CAST: variants seen among roughly 807,000 people sequenced by gnomAD.
The protein encoded by CAST is MIR583 host.
A neutral mutation model predicts 119.6 loss-of-function variants in CAST; 76 were observed. The observed-to-expected ratio is 0.64, with a 90% CI of 0.53 to 0.77. The LOEUF (loss-of-function observed/expected upper bound fraction) is 0.77. Ranked by LOEUF, CAST falls within the 30% of genes least tolerant of loss-of-function variation. The pLI is 0.00. For missense variants in CAST, 953 were observed against 946.5 expected, an observed-to-expected ratio of 1.01 and a Z score of -0.09; for synonymous variants, 319 against 331.6, an observed-to-expected ratio of 0.96 and a Z score of 0.41.
At chr5:96,691,417 A>G (rs1202901257) in intron 2 of CAST, among the ~76,000 whole-genome samples, 10 of 152,264 alleles carry the variant, frequency 6.6e-5, no homozygotes, top group Admixed American at 5.2e-4. Flanking sequence ...GGAAAAAATT[A>G]CATTTTTCTA....
At chr5:96,034,338 C>T in the CAST span, among the ~76,000 whole-genome samples, 11 of 151,832 alleles carry the variant, frequency 7.2e-5, no homozygotes, top group African/African-American at 2.4e-4. Context: ...GAAAAAGGAA[C>T]TCTCACACAC....
At chr5:96,761,589 G>C (rs1255488180) in intron 24 of CAST, 1 of 152,006 alleles carries the variant, frequency 6.6e-6, no homozygotes, top group Non-Finnish European at 1.5e-5. Flanking sequence ...AAGAGTTCTG[G>C]ACTTTTTTCT....
At position 96,762,339 on chromosome 5, in the gene CAST, G is replaced by A. The variant is rs749204791; in HGVS notation, c.1899G>A (p.Thr633=). Residue 633 remains threonine, a synonymous_variant, in exon 25 of 32, where the codon ACG becomes ACA. Transcript: ENST00000675179. ...SEVVSQTPAS[T]TQAGAPPRDT... The stretch of plus-strand genomic sequence containing the variant: ...TGGTTTCCCAAACCCCAGCTTCAAC[G>A]ACCCAAGCTGGAGCCCCACCCCGTG... 2.3e-5 allele frequency: 37 copies of A among 1,604,940 alleles called. No individual in the cohort carries two copies. The highest frequency in any genetic ancestry group is 7.8e-5 in the South Asian group (7 of 89,572).
chr5:96,013,606 T>G, the CAST span, among the ~76,000 whole-genome samples: 1 of 152,100 alleles, frequency 6.6e-6, no homozygotes, highest in Admixed American at 6.6e-5. Context: ...ATTTTATCAT[T>G]GTACAAACAT....
intron 1 of CAST, among the ~76,000 whole-genome samples, chr5:96,649,945 T>G (rs1748071425): frequency 6.6e-6 from 1 of 152,240 alleles, no homozygotes; most frequent in African/African-American, 2.4e-5. Flanking sequence ...GACACTATTC[T>G]AAAAGTTTTA....
chr5:96,335,613 G>C, the CAST span, among the ~76,000 whole-genome samples: 1 of 152,114 alleles, frequency 6.6e-6, no homozygotes. Flanking sequence ...CATCTGTATA[G>C]TAATGACTGT....
At chr5:96,040,782 T>C in the CAST span, among the ~76,000 whole-genome samples, 1 of 152,210 alleles carries the variant, frequency 6.6e-6, no homozygotes, top group Non-Finnish European at 1.5e-5. Flanking sequence ...GCCAGTATTT[T>C]ATTGAGATTT....
the CAST span, among the ~76,000 whole-genome samples, chr5:96,400,814 G>A: frequency 2.0e-5 from 3 of 151,826 alleles, no homozygotes; most frequent in Non-Finnish European, 2.9e-5. Context: ...CAGGCTGGGC[G>A]CGGTGGCTCA....
the CAST span, among the ~76,000 whole-genome samples, chr5:96,077,788 C>A: frequency 3.9e-5 from 6 of 152,174 alleles, no homozygotes; most frequent in Non-Finnish European, 1.5e-5. Context: ...ATGCTGGTGC[C>A]ATGCTTCCTG....
chr5:96,339,875 C>G, the CAST span, among the ~76,000 whole-genome samples: 1 of 152,114 alleles, frequency 6.6e-6, no homozygotes, highest in Non-Finnish European at 1.5e-5. Flanking sequence ...CAGGGTGGCC[C>G]TCTGAGAATC....
At chr5:96,010,802 G>A in the CAST span, among the ~76,000 whole-genome samples, 1 of 152,074 alleles carries the variant, frequency 6.6e-6, no homozygotes, top group African/African-American at 2.4e-5. Context: ...AATTTTCCTT[G>A]TAGAGATCTT....
chr5:96,625,153 AT>A (rs1747695879), intron 1 of CAST, among the ~76,000 whole-genome samples: 1 of 152,132 alleles, frequency 6.6e-6, no homozygotes, highest in Non-Finnish European at 1.5e-5. Flanking sequence ...TGCAAAGATC[AT>A]TTTTTTCATG....
the CAST span, among the ~76,000 whole-genome samples, chr5:96,396,285 G>C: frequency 2.0e-5 from 3 of 152,178 alleles, no homozygotes; most frequent in Non-Finnish European, 4.4e-5. Context: ...TCTAGGCCGG[G>C]TGTGGTGGCT....
the CAST span, among the ~76,000 whole-genome samples, chr5:96,276,166 G>A: frequency 1.3e-5 from 2 of 152,126 alleles, no homozygotes; most frequent in African/African-American, 2.4e-5. Flanking sequence ...AGATTTGGGA[G>A]GAATGATAGG....
chr5:96,739,455 A>G (rs948025884), intron 11 of CAST, among the ~76,000 whole-genome samples: 1 of 152,266 alleles, frequency 6.6e-6, no homozygotes, highest in East Asian at 1.9e-4. Flanking sequence ...ATGCAGAATG[A>G]TATGTAGAAT....
chr5:95,962,584 T>G, the CAST span, among the ~76,000 whole-genome samples: 2 of 152,142 alleles, frequency 1.3e-5, no homozygotes, highest in African/African-American at 4.8e-5. Context: ...TTGTGGAGCA[T>G]CTTAAGGACA....
intron 3 of CAST, among the ~76,000 whole-genome samples, chr5:96,713,848 A>G (rs1242481260): frequency 6.6e-6 from 1 of 151,976 alleles, no homozygotes; most frequent in Non-Finnish European, 1.5e-5. Context: ...GGTGGTGCAC[A>G]CCTGTAGTCC....
chr5:96,283,268 G>T, the CAST span, among the ~76,000 whole-genome samples: 2 of 152,064 alleles, frequency 1.3e-5, no homozygotes, highest in African/African-American at 4.8e-5. Flanking sequence ...ACAAGCAACT[G>T]AAATTAACAT....
intron 1 of CAST, among the ~76,000 whole-genome samples, chr5:96,666,135 G>C (rs1186698780): frequency 2.0e-5 from 3 of 152,258 alleles, no homozygotes; most frequent in South Asian, 2.1e-4. Flanking sequence ...ACATGTCTCA[G>C]ATGTGTTCGT....
Sources: allele counts gnomAD v4.1 joint callset (sites outside exome capture counted in the v4.1 genomes callset), GRCh38; gene constraint gnomAD v4.1.1; transcripts MANE v1.5; gene names NCBI Gene and HGNC (gene_info 2026-07-23, HGNC 2026-07-21).